GRM7: variants seen among roughly 807,000 people sequenced by gnomAD.
GRM7 encodes the protein glutamate metabotropic receptor 7.
Under a neutral mutation model 84.5 loss-of-function variants are expected in GRM7, and 35 were observed. The observed-to-expected ratio is 0.41, with a 90% CI of 0.32 to 0.55. GRM7 has a LOEUF of 0.55. Among genes scored for constraint, GRM7 ranks in the 20% least tolerant of loss-of-function variants. GRM7 has a pLI of 0.19. For synonymous variants in GRM7, 487 were observed against 455.1 expected (o/e 1.07, Z -0.89); for missense variants, 1,003 against 1,194.6 (o/e 0.84, Z 2.36).
chr3:7,439,181 A>G (rs370154244), intron 5 of GRM7, among the ~76,000 whole-genome samples: 1 of 152,174 alleles, frequency 6.6e-6, no homozygotes, highest in Non-Finnish European at 1.5e-5. Flanking sequence ...ATGTTTCTGT[A>G]CATCTTGTGA....
intron 2 of GRM7, among the ~76,000 whole-genome samples, chr3:7,175,347 TTC>T (rs1259619926): frequency 6.6e-6 from 1 of 152,206 alleles, no homozygotes; most frequent in Non-Finnish European, 1.5e-5. Flanking sequence ...TAATTTTACA[TTC>T]TGAGTTATTT....
intron 1 of GRM7, among the ~76,000 whole-genome samples, chr3:7,045,560 T>A (rs551766842): frequency 1.3e-5 from 2 of 152,166 alleles, no homozygotes; most frequent in African/African-American, 2.4e-5. Flanking sequence ...AAACCTCCGA[T>A]AAGCACCATT....
Position 7,005,574 on chromosome 3 carries a change from T to C in GRM7, c.520-140878T>C, listed in dbSNP as rs115089246. ...AAACATACTTCATAAGAACATTTCATGCAGTGGGTTTCTAACTTGGCTCAT... is the reference window on the plus strand; with the variant it reads ...AAACATACTTCATAAGAACATTTCACGCAGTGGGTTTCTAACTTGGCTCAT... On this transcript the variant is annotated intron_variant, in intron 1 of 9. Coordinates refer to ENST00000357716, the MANE Select transcript of GRM7 (RefSeq NM_000844.4). 1.2e-3 allele frequency among the ~76,000 whole-genome samples: 184 copies of C among 152,356 alleles called. 2 individuals are homozygous for C. The highest frequency in any genetic ancestry group is 0.01 in the Middle Eastern group (3 of 294).
At chr3:6,903,659 A>C (rs1696472898) in intron 1 of GRM7, among the ~76,000 whole-genome samples, 1 of 152,132 alleles carries the variant, frequency 6.6e-6, no homozygotes, top group African/African-American at 2.4e-5. Flanking sequence ...GTTTATACTC[A>C]GATATAGAAT....
chr3:7,341,281 G>A lies in GRM7; in HGVS notation c.1033+34629G>A, dbSNP rs147300898. The stretch of plus-strand genomic sequence containing the variant: ...GAAAATTCAACAAATGTAACTTTAA[G>A]CAATGATAGGAGACTATTATTTAAA... On this transcript the variant is annotated intron_variant, in intron 4 of 9. Transcript: ENST00000357716. Among the ~76,000 whole-genome samples, 7 of 152,186 alleles carry A rather than the reference G, an allele frequency of 4.6e-5. No individual in the cohort carries two copies. In the East Asian group the frequency reaches 1.2e-3, roughly 25 times the overall value.
chr3:7,010,444 A>G (rs2124893149), intron 1 of GRM7, among the ~76,000 whole-genome samples: 1 of 152,174 alleles, frequency 6.6e-6, no homozygotes, highest in Non-Finnish European at 1.5e-5. Context: ...ACGGAGCAAG[A>G]CTCCCTCTCT....
intron 1 of GRM7, among the ~76,000 whole-genome samples, chr3:7,033,854 T>A (rs1400205067): frequency 6.6e-6 from 1 of 152,128 alleles, no homozygotes; most frequent in Admixed American, 6.6e-5. Flanking sequence ...CTCGAGGGTG[T>A]GAAAGTGAAG....
intron 8 of GRM7, among the ~76,000 whole-genome samples, chr3:7,656,545 G>GCA (rs1288626812): frequency 1.3e-3 from 162 of 120,406 alleles, no homozygotes; most frequent in Non-Finnish European, 1.6e-3. Context: ...ATATACGCGC[G>GCA]CGCACACACA....
intron 1 of GRM7, among the ~76,000 whole-genome samples, chr3:6,966,868 T>C (rs182467262): frequency 1.1e-3 from 160 of 152,338 alleles, no homozygotes; most frequent in African/African-American, 3.6e-3. Context: ...GGTCCTACCA[T>C]TTATAATGTA....
At chr3:7,166,179 G>A (rs114837343) in intron 2 of GRM7, among the ~76,000 whole-genome samples, 4,391 of 152,192 alleles carry the variant, frequency 0.029, 113 homozygotes, top group Non-Finnish European at 0.043. Flanking sequence ...ACTTGAGCCG[G>A]TATTTAAATT....
intron 5 of GRM7, among the ~76,000 whole-genome samples, chr3:7,447,480 T>C (rs1697566424): frequency 6.6e-6 from 1 of 152,166 alleles, no homozygotes; most frequent in Non-Finnish European, 1.5e-5. Context: ...AACCATTTCA[T>C]GTATTACTCG....
chr3:7,429,906 C>T (rs894563586), intron 5 of GRM7, among the ~76,000 whole-genome samples: 5 of 152,122 alleles, frequency 3.3e-5, no homozygotes, highest in African/African-American at 1.2e-4. Flanking sequence ...TCCTTTAGCT[C>T]ATTTAGAAAC....
At chr3:7,070,326 T>A (rs1004413776) in intron 1 of GRM7, among the ~76,000 whole-genome samples, 3 of 151,980 alleles carry the variant, frequency 2.0e-5, no homozygotes, top group African/African-American at 7.2e-5. Flanking sequence ...CTGAGGAAAA[T>A]AAAAAAATAA....
chr3:7,652,994 G>T (rs1699016693), intron 8 of GRM7, among the ~76,000 whole-genome samples: 1 of 151,910 alleles, frequency 6.6e-6, no homozygotes, highest in Non-Finnish European at 1.5e-5. Context: ...GGGTCTCTCT[G>T]GAATGTCCTG....
chr3:7,094,981 C>CT (rs543764636), intron 1 of GRM7, among the ~76,000 whole-genome samples: 6,599 of 143,966 alleles, frequency 0.046, 139 homozygotes, highest in Middle Eastern at 0.12. Flanking sequence ...GGCTGATAGA[C>CT]TTTTTTTTTT....
At position 6,861,445 on chromosome 3, in the gene GRM7, C is replaced by T. The variant is rs780907392; in HGVS notation, c.57C>T (p.Cys19=). 1.3e-6 allele frequency: 2 copies of T among 1,514,598 alleles called. No homozygotes were observed. The highest frequency in any genetic ancestry group is 3.6e-5 in the Admixed American group (2 of 54,906). The allele number at this position is 1,514,598 out of a possible 1,614,324, so 93.8% of individuals were successfully genotyped here. ...RVLTLMKFPC[C]VLEVLLCALA... is the part of the protein sequence containing the mutation. Reference sequence around the variant, plus strand: ...TGACTTTGATGAAGTTCCCCTGCTGCGTGCTGGAGGTGCTCCTGTGCGCGC... The same window carrying T: ...TGACTTTGATGAAGTTCCCCTGCTGTGTGCTGGAGGTGCTCCTGTGCGCGC... Residue 19 remains cysteine, a synonymous_variant, in exon 1 of 10, where the codon TGC becomes TGT. Coordinates refer to ENST00000357716, the MANE Select transcript of GRM7 (RefSeq NM_000844.4). This position sits in a 1 kb window ranked among gnomAD's most constrained non-coding sequence, Gnocchi z 6.4.
chr3:7,455,940 G>A (rs939762901), intron 6 of GRM7, among the ~76,000 whole-genome samples: 1 of 152,030 alleles, frequency 6.6e-6, no homozygotes, highest in African/African-American at 2.4e-5. Context: ...GAGTTGCCTA[G>A]TATCTGAATG....
At chr3:7,411,986 C>T (rs1212882431) in intron 4 of GRM7, among the ~76,000 whole-genome samples, 1 of 151,734 alleles carries the variant, frequency 6.6e-6, no homozygotes, top group African/African-American at 2.4e-5. Context: ...CCCTCCCCTT[C>T]CCAACATCAC....
chr3:7,644,025 C>CAT, intron 8 of GRM7, among the ~76,000 whole-genome samples: 1 of 48,274 alleles, frequency 2.1e-5, no homozygotes, highest in Non-Finnish European at 4.4e-5. Context: ...TATATACACA[C>CAT]ACACACACAC....
Sources: gnomAD v4.1 joint callset for allele counts (sites outside exome capture counted in the v4.1 genomes callset) on GRCh38, gnomAD v4.1.1 for gene constraint, Gnocchi (gnomAD v3.1) non-coding constraint, MANE v1.5 for transcripts, NCBI Gene and HGNC (gene_info 2026-07-23, HGNC 2026-07-21) for gene names.